The following ATXN7L1 variants were observed in gnomAD, a reference collection of about 807,000 sequenced individuals.
ATXN7L1 encodes ataxin-7-like protein 1.
ATXN7L1 carries 15 observed loss-of-function variants against 70.8 expected under a neutral mutation model. That is an observed-to-expected ratio of 0.21 (90% confidence interval 0.14 to 0.33). The LOEUF (loss-of-function observed/expected upper bound fraction) is 0.33, where lower values mean the gene tolerates loss of function less well. Ranked by LOEUF, ATXN7L1 falls within the 10% of genes least tolerant of loss-of-function variation. The probability of loss-of-function intolerance (pLI) is 1.00; values close to 1 mark genes in which losing one functional copy is unlikely to be tolerated. For missense variants in ATXN7L1, 975 were observed against 1,097.1 expected, an observed-to-expected ratio of 0.89 and a Z score of 1.57; for synonymous variants, 440 against 445.1, an observed-to-expected ratio of 0.99 and a Z score of 0.14.
intron 2 of ATXN7L1, among the ~76,000 whole-genome samples, chr7:105,791,260 C>T (rs960576829): frequency 1.3e-5 from 2 of 152,232 alleles, no homozygotes; most frequent in Admixed American, 1.3e-4. Flanking sequence ...GACACAGGCC[C>T]AACTGTATTT....
chr7:105,753,310 C>T (rs516098), intron 3 of ATXN7L1, among the ~76,000 whole-genome samples: 129,859 of 152,266 alleles, frequency 0.85, 55,885 homozygotes, highest in African/African-American at 0.96. Flanking sequence ...TAAACCTCAA[C>T]ATCAGCCCTA....
intron 3 of ATXN7L1, among the ~76,000 whole-genome samples, chr7:105,737,568 T>TGTGTGTGTGTG (rs751658667): frequency 6.9e-6 from 1 of 144,330 alleles, no homozygotes; most frequent in African/African-American, 2.6e-5. Context: ...TGTGTGTGTG[T>TGTGTGTGTGTG]TAAGAATTAG....
chr7:105,806,476 C>T (rs1012856694), intron 2 of ATXN7L1, among the ~76,000 whole-genome samples: 1 of 152,048 alleles, frequency 6.6e-6, no homozygotes, highest in African/African-American at 2.4e-5. Flanking sequence ...AGACTGAGGA[C>T]ATATGGGGAG....
rs866890670 is a variant in ATXN7L1 at position 105,691,332 on chromosome 7, G to A, written c.356-26044C>T. 3.3e-5 allele frequency among the ~76,000 whole-genome samples: 5 copies of A among 152,246 alleles called. No individual in the cohort carries two copies. In the Middle Eastern group the frequency reaches 0.01, roughly 311 times the overall value. On this transcript the variant is annotated intron_variant, in intron 3 of 11. Transcript: ENST00000419735. Reference sequence around the variant, plus strand: ...AACACGTCCTAGGACTCTCGGGAACGTTATTAAGTGACCCCTAAGAAATTA... The same window carrying A: ...AACACGTCCTAGGACTCTCGGGAACATTATTAAGTGACCCCTAAGAAATTA...
At chr7:105,737,796 G>C (rs1425215877) in intron 3 of ATXN7L1, among the ~76,000 whole-genome samples, 1 of 152,210 alleles carries the variant, frequency 6.6e-6, no homozygotes, top group Non-Finnish European at 1.5e-5. Flanking sequence ...GCAGGTTCCT[G>C]CTCAAAGCTC....
intron 4 of ATXN7L1, among the ~76,000 whole-genome samples, chr7:105,663,183 C>T (rs1314335112): frequency 3.3e-5 from 5 of 152,170 alleles, no homozygotes; most frequent in Non-Finnish European, 7.3e-5. Flanking sequence ...CTCACATCGC[C>T]GGTGGGTGGG....
chr7:105,874,677 C>G (rs1818758178), intron 2 of ATXN7L1, among the ~76,000 whole-genome samples: 1 of 152,176 alleles, frequency 6.6e-6, no homozygotes, highest in Non-Finnish European at 1.5e-5. Context: ...TTTTCTGAAG[C>G]ACAAAATTTC....
rs1793532207 is a variant in ATXN7L1, at chr7:105,614,383, T to G, written c.1951A>C (p.Thr651Pro). 1 of 1,551,784 alleles carries G rather than the reference T, an allele frequency of 6.4e-7. No individual in the cohort carries two copies. Among genetic ancestry groups the G allele is most frequent in the Non-Finnish European group, 8.7e-7 (1 of 1,146,896 alleles). ...SNKKRKPQSSTSSSSSSSSSS... is the reference protein window; with the variant it reads ...SNKKRKPQSSPSSSSSSSSSS... ...GAGGAGGAGGAGGAGGAGGAGGAAG[T>G]CGAAGACTGTGGCTTCCTTTTTTTG... is the stretch of plus-strand genomic sequence containing the variant. The change falls in exon 10 of 12, where the codon ACT (threonine) becomes CCT (proline). Residue 651 changes from threonine to proline, a missense_variant. Physicochemically the swap from Thr to Pro is conservative, Grantham distance 38 (BLOSUM62 -1). Around this residue, in one of 5 missense-constraint regions of ATXN7L1, gnomAD observed 635 missense variants for 699.4 expected, o/e 0.91. Coordinates refer to ENST00000419735, the MANE Select transcript of ATXN7L1 (RefSeq NM_020725.2). The surrounding 1 kb of genome is among the most constrained non-coding windows in gnomAD (Gnocchi z 4.3).
Position 105,607,696 on chromosome 7 carries a change from G to T in ATXN7L1, c.*156C>A. ...CTTTTGCCTTTTTAACTAAAAATTG[G>T]TCAATTAAAAAAAGAAGAAGAAAGG... On this transcript the variant is annotated 3_prime_UTR_variant, in exon 12 of 12. Transcript: ENST00000419735. The T allele has an allele frequency of 1.7e-6, 1 of 586,570 alleles. No homozygotes were observed. The highest frequency in any genetic ancestry group is 3.0e-6 in the Non-Finnish European group (1 of 333,842). The allele number at this position is 586,570 out of a possible 1,614,324, so 36.3% of individuals were successfully genotyped here. A position where few individuals can be genotyped will look rare whatever the true frequency, so the allele number is the denominator to read the frequency against.
intron 8 of ATXN7L1, among the ~76,000 whole-genome samples, chr7:105,622,376 G>C (rs997298647): frequency 6.6e-6 from 1 of 152,168 alleles, no homozygotes; most frequent in African/African-American, 2.4e-5. Context: ...TTTTGTCTTT[G>C]CTACCTGTGT....
intron 2 of ATXN7L1, among the ~76,000 whole-genome samples, chr7:105,818,309 A>T (rs1263364144): frequency 6.6e-6 from 1 of 152,166 alleles, no homozygotes; most frequent in African/African-American, 2.4e-5. Context: ...GGCTGGGGCT[A>T]CAGGCACGTG....
chr7:105,700,752 G>C (rs560841823), intron 3 of ATXN7L1, among the ~76,000 whole-genome samples: 2 of 152,034 alleles, frequency 1.3e-5, no homozygotes, highest in East Asian at 3.9e-4. Context: ...GTGCATCTTG[G>C]CTTACTGCAA....
intron 3 of ATXN7L1, among the ~76,000 whole-genome samples, chr7:105,697,013 C>G (rs562296267): frequency 6.6e-6 from 1 of 151,986 alleles, no homozygotes; most frequent in Non-Finnish European, 1.5e-5. Flanking sequence ...AGGGACTGTG[C>G]GAATAGGTGT....
At chr7:105,608,387 G>C (rs1792870602) in intron 11 of ATXN7L1, among the ~76,000 whole-genome samples, 1 of 152,200 alleles carries the variant, frequency 6.6e-6, no homozygotes, top group Non-Finnish European at 1.5e-5. Flanking sequence ...TCACAGGGTT[G>C]TGAAAAGGTT....
intron 3 of ATXN7L1, among the ~76,000 whole-genome samples, chr7:105,720,904 GGCCAAGCTACTTGCTGGACTTCCT>G (rs1795110228): frequency 6.6e-6 from 1 of 152,150 alleles, no homozygotes; most frequent in African/African-American, 2.4e-5. Context: ...CCTCCACTCA[GGCCAAGCTACTTGCTGGACTTCCT>G]GCCTATGGCC....
intron 3 of ATXN7L1, among the ~76,000 whole-genome samples, chr7:105,668,976 G>C (rs1258227239): frequency 6.6e-6 from 1 of 152,056 alleles, no homozygotes; most frequent in Non-Finnish European, 1.5e-5. Context: ...TTGAACTCCT[G>C]GGCTCAAGAG....
chr7:105,701,182 C>T (rs1171294875), intron 3 of ATXN7L1, among the ~76,000 whole-genome samples: 1 of 152,094 alleles, frequency 6.6e-6, no homozygotes, highest in African/African-American at 2.4e-5. Flanking sequence ...ACCTAAATCA[C>T]AAGCAATCAG....
At chr7:105,759,154 A>G (rs1358975881) in intron 3 of ATXN7L1, among the ~76,000 whole-genome samples, 1 of 112,958 alleles carries the variant, frequency 8.9e-6, no homozygotes, top group Non-Finnish European at 1.7e-5. Flanking sequence ...TTTTTAGTTT[A>G]TTCTTACTTT....
chr7:105,624,254 T>C lies in ATXN7L1; in HGVS notation c.1216A>G (p.Asn406Asp). Residue 406 changes from asparagine to aspartate, a missense_variant, in exon 8 of 12, where the codon AAT becomes GAT. Physicochemically the swap from Asn to Asp is conservative, Grantham distance 23 (BLOSUM62 1). This residue lies in a region of ATXN7L1 where 635 missense variants were observed against 699.4 expected (regional missense o/e 0.91). Transcript: ENST00000419735. ...NSVLPRPSSA[N>D]SISSSTSSNH... is the part of the protein sequence containing the mutation. ...GAAGATGTGCTGCTGCTTATGCTATTTGCAGATGATGGTCTAAGGGCAAGA... is the reference window on the plus strand; with the variant it reads ...GAAGATGTGCTGCTGCTTATGCTATCTGCAGATGATGGTCTAAGGGCAAGA... 1 of 1,436,812 alleles carries C rather than the reference T, an allele frequency of 7.0e-7. No individual in the cohort carries two copies. Among genetic ancestry groups the C allele is most frequent in the Non-Finnish European group, 9.2e-7 (1 of 1,082,508 alleles). 89.0% of individuals were successfully genotyped at this position (1,436,812 alleles called of 1,614,324 possible).
Sources: gnomAD v4.1 joint callset for allele counts (sites outside exome capture counted in the v4.1 genomes callset) on GRCh38, gnomAD v4.1.1 for gene constraint, gnomAD v4.1.1 regional missense constraint, Gnocchi (gnomAD v3.1) non-coding constraint, MANE v1.5 for transcripts, NCBI Gene and HGNC (gene_info 2026-07-23, HGNC 2026-07-21) for gene names.